The following CDH23 variants were observed in gnomAD, a reference collection of about 807,000 sequenced individuals.
CDH23 encodes cadherin-23.
In CDH23, 189 loss-of-function variants were observed where a neutral mutation model predicts 317.1. That is an observed-to-expected ratio of 0.60 (90% confidence interval 0.53 to 0.67). CDH23 has a LOEUF of 0.67. CDH23 is among the 30% of genes least tolerant of loss of function. The pLI is 0.00. For missense variants in CDH23, 4,401 were observed against 4,592.4 expected, an observed-to-expected ratio of 0.96 and a Z score of 1.20; for synonymous variants, 1,839 against 1,876.8, an observed-to-expected ratio of 0.98 and a Z score of 0.52.
At chr10:71,646,084 C>T in intron 13 of CDH23, 104 bp downstream of exon 13, 1 of 1,395,884 alleles carries the variant, frequency 7.2e-7, no homozygotes, top group East Asian at 2.3e-5. Context: ...TCCACTGCTG[C>T]CCATCTTCCC....
intron 48 of CDH23, among the ~76,000 whole-genome samples, chr10:71,794,859 G>A (rs1841357758): frequency 6.6e-6 from 1 of 152,178 alleles, no homozygotes; most frequent in Non-Finnish European, 1.5e-5. Flanking sequence ...GATGCTCACT[G>A]CAGTGTTATT....
At chr10:71,418,018 T>A (rs1848605091) in intron 1 of CDH23, among the ~76,000 whole-genome samples, 1 of 152,260 alleles carries the variant, frequency 6.6e-6, no homozygotes, top group South Asian at 2.1e-4. Flanking sequence ...AATTATTATA[T>A]TATTCCTTTT....
intron 6 of CDH23, 70 bp from the exon 7 acceptor site, chr10:71,566,672 G>A (rs1286773156): frequency 8.0e-6 from 11 of 1,370,940 alleles, no homozygotes; most frequent in Non-Finnish European, 9.8e-6. Flanking sequence ...GGGCTTTGAG[G>A]GACTCAGCCC....
chr10:71,797,347 G>C, intron 49 of CDH23, 127 bp downstream of exon 49: 1 of 656,158 alleles, frequency 1.5e-6, no homozygotes, highest in South Asian at 1.7e-5. Context: ...TGGGGGCCAG[G>C]AGTCAGGCAA....
At chr10:71,483,925 C>T (rs1852205767) in intron 3 of CDH23, among the ~76,000 whole-genome samples, 2 of 152,196 alleles carry the variant, frequency 1.3e-5, no homozygotes, top group Admixed American at 1.3e-4. Context: ...CACATGCCCC[C>T]TCACATGCAC....
chr10:71,707,136 G>A, intron 26 of CDH23, 87 bp downstream of exon 26: 1 of 1,552,434 alleles, frequency 6.4e-7, no homozygotes, highest in Middle Eastern at 1.7e-4. Context: ...CTAGGTGGGG[G>A]CAGGTGAGGG....
chr10:71,604,203 G>A (rs1860397709), intron 9 of CDH23, among the ~76,000 whole-genome samples: 1 of 152,174 alleles, frequency 6.6e-6, no homozygotes, highest in Admixed American at 6.5e-5. Flanking sequence ...GATCCCTTGA[G>A]CCCAGGAGTT....
chr10:71,598,050 G>A (rs904208496), intron 9 of CDH23, among the ~76,000 whole-genome samples: 2 of 152,230 alleles, frequency 1.3e-5, no homozygotes, highest in South Asian at 4.1e-4. Flanking sequence ...GCAGCTCCAC[G>A]TCGACAGGGA....
chr10:71,427,031 G>A (rs1849107018), intron 1 of CDH23, among the ~76,000 whole-genome samples: 1 of 151,508 alleles, frequency 6.6e-6, no homozygotes, highest in African/African-American at 2.4e-5. Flanking sequence ...CGCTCCTGTA[G>A]TCCCAGCTAC....
chr10:71,694,206 G>A lies in CDH23; in HGVS notation c.2236G>A (p.Val746Ile), dbSNP rs550384315. ...GACCAAGTCTGAATACATCCTCATCGTTCGCGCAGTGGACGGGGGTGTGGG... is the reference window on the plus strand; with the variant it reads ...GACCAAGTCTGAATACATCCTCATCATTCGCGCAGTGGACGGGGGTGTGGG... ...RETKSEYILI[V>I]RAVDGGVGHN... is the part of the protein sequence containing the mutation. Residue 746 changes from valine to isoleucine, a missense_variant, in exon 21 of 70, where the codon GTT becomes ATT. By Grantham distance (29) the Val-to-Ile change is conservative. Around this residue, in one of 3 missense-constraint regions of CDH23, gnomAD observed 3,068 missense variants for 3,203.3 expected, o/e 0.96. Transcript: ENST00000224721. 1.2e-4 allele frequency: 187 copies of A among 1,613,738 alleles called. 7 individuals are homozygous for A. The highest frequency in any genetic ancestry group is 8.7e-4 in the East Asian group (39 of 44,860).
chr10:71,737,654 G>A, intron 34 of CDH23: 1 of 466,514 alleles, frequency 2.1e-6, no homozygotes, highest in South Asian at 1.6e-5. Context: ...AGTGGGAGAA[G>A]GCCTGTCCTG....
chr10:71,688,666 T>A (rs1448035661), intron 19 of CDH23, among the ~76,000 whole-genome samples: 1 of 112,534 alleles, frequency 8.9e-6, no homozygotes, highest in Admixed American at 9.2e-5. Context: ...CCAGGGGTGG[T>A]GGAGTCAGGG....
At chr10:71,715,148 G>C (rs991256282) in intron 28 of CDH23, 1 of 152,394 alleles carries the variant, frequency 6.6e-6, no homozygotes, top group Non-Finnish European at 1.5e-5. Flanking sequence ...CCGAGTCCAG[G>C]TGGCATCACC....
chr10:71,667,867 T>C (rs1863980911), intron 14 of CDH23, among the ~76,000 whole-genome samples: 1 of 149,884 alleles, frequency 6.7e-6, no homozygotes, highest in African/African-American at 2.5e-5. Context: ...GGACATAGAG[T>C]TTTGAATGCA....
chr10:71,421,833 T>C (rs1344525985), intron 1 of CDH23, among the ~76,000 whole-genome samples: 10 of 151,858 alleles, frequency 6.6e-5, no homozygotes, highest in Non-Finnish European at 4.4e-5. Flanking sequence ...GAAGCGTGTG[T>C]GTGTGTGTGT....
At chr10:71,408,459 TC>T (rs1452152184) in intron 1 of CDH23, among the ~76,000 whole-genome samples, 3 of 152,226 alleles carry the variant, frequency 2.0e-5, no homozygotes, top group Non-Finnish European at 4.4e-5. Flanking sequence ...GTTTTCCTTC[TC>T]TGATCTTCCT....
At chr10:71,675,903 C>CTT (rs66656163) in intron 15 of CDH23, among the ~76,000 whole-genome samples, 58,961 of 120,744 alleles carry the variant, frequency 0.49, 16,871 homozygotes, top group South Asian at 0.67. Flanking sequence ...AGCCCTCTAA[C>CTT]TTTTTTTTTT....
At chr10:71,461,025 A>G (rs1850953303) in intron 3 of CDH23, among the ~76,000 whole-genome samples, 1 of 152,234 alleles carries the variant, frequency 6.6e-6, no homozygotes, top group Non-Finnish European at 1.5e-5. Flanking sequence ...CTATTGGGAA[A>G]CAGTACACAC....
At chr10:71,756,560 C>T (rs994731761) in intron 38 of CDH23, among the ~76,000 whole-genome samples, 1 of 152,168 alleles carries the variant, frequency 6.6e-6, no homozygotes, top group African/African-American at 2.4e-5. Context: ...TTCTTTTAGG[C>T]TATTGCTAAA....
Sources: allele counts gnomAD v4.1 joint callset (sites outside exome capture counted in the v4.1 genomes callset), GRCh38; gene constraint gnomAD v4.1.1; regional missense constraint gnomAD v4.1.1; transcripts MANE v1.5; gene names NCBI Gene and HGNC (gene_info 2026-07-23, HGNC 2026-07-21).